Variants in CNGB1 observed in about 807,000 individuals in gnomAD.
The protein encoded by CNGB1 is cyclic nucleotide gated channel subunit beta 1.
Under a neutral mutation model 151.7 loss-of-function variants are expected in CNGB1, and 126 were observed. The observed-to-expected ratio is 0.83, with a 90% CI of 0.72 to 0.96. The LOEUF is 0.96. CNGB1 is among the 40% of genes least tolerant of loss of function. CNGB1 has a pLI of 0.00. For missense variants in CNGB1, 1,698 were observed against 1,627.0 expected (o/e 1.04, Z -0.75); for synonymous variants, 623 against 635.1 (o/e 0.98, Z 0.29).
intron 18 of CNGB1, chr16:57,923,065 C>A (rs967604352): frequency 4.4e-6 from 2 of 455,680 alleles, no homozygotes; most frequent in Non-Finnish European, 8.2e-6. Context: ...CACAGCTGGG[C>A]CCAGAGGTTG....
intron 21 of CNGB1, 47 bp downstream of exon 21, chr16:57,917,221 G>A (rs763723755): frequency 2.6e-6 from 4 of 1,527,094 alleles, no homozygotes; most frequent in African/African-American, 2.7e-5. Flanking sequence ...GGCTCTGGCT[G>A]AGCGGTCTGC....
At chr16:57,931,983 G>A (rs1272829247) in intron 16 of CNGB1, 105 bp from the exon 17 acceptor site, 9 of 1,234,250 alleles carry the variant, frequency 7.3e-6, no homozygotes, top group Non-Finnish European at 1.1e-5. Flanking sequence ...GTTTGGAGGG[G>A]ACTCTGATAG....
intron 14 of CNGB1, among the ~76,000 whole-genome samples, chr16:57,944,951 T>TAAAAAAAAAAAAAAAAAAAAAA (rs367717137): frequency 9.6e-6 from 1 of 104,380 alleles, no homozygotes; most frequent in Non-Finnish European, 1.9e-5. Context: ...ACTCTGTCTT[T>TAAAAAAAAAAAAAAAAAAAAAA]AAAAAAAAAA....
At chr16:57,957,534 A>G (rs914246940) in intron 11 of CNGB1, among the ~76,000 whole-genome samples, 157 bp from the exon 12 acceptor site, 6 of 152,188 alleles carry the variant, frequency 3.9e-5, no homozygotes, top group African/African-American at 9.6e-5. Flanking sequence ...CCCAGGGCCA[A>G]TGAAGGATTT....
At chr16:57,942,051 T>G (rs1321945108) in intron 14 of CNGB1, among the ~76,000 whole-genome samples, 1 of 152,012 alleles carries the variant, frequency 6.6e-6, no homozygotes, top group African/African-American at 2.4e-5. Flanking sequence ...TTGGTTTGGT[T>G]TGGTATTTTT....
intron 3 of CNGB1, 58 bp downstream of exon 3, chr16:57,964,429 G>A (rs1288794060): frequency 6.9e-6 from 11 of 1,596,446 alleles, no homozygotes; most frequent in East Asian, 2.2e-5. Context: ...CTGCGGCTCC[G>A]AGGGGAGAAT....
At chr16:57,944,869 G>T (rs527584603) in intron 14 of CNGB1, among the ~76,000 whole-genome samples, 2 of 145,494 alleles carry the variant, frequency 1.4e-5, no homozygotes, top group East Asian at 4.1e-4. Flanking sequence ...CAGGAGAATC[G>T]CTTGAACCCA....
chr16:57,936,471 A>C (rs1331294543), intron 16 of CNGB1, among the ~76,000 whole-genome samples: 1 of 152,222 alleles, frequency 6.6e-6, no homozygotes, highest in Non-Finnish European at 1.5e-5. Context: ...AATGTGCCTA[A>C]AGAAAGGAAT....
chr16:57,885,486 C>CTTCT (rs1157415280), intron 32 of CNGB1, among the ~76,000 whole-genome samples: 2 of 145,512 alleles, frequency 1.4e-5, no homozygotes, highest in African/African-American at 2.5e-5. Context: ...TTCTTTTTGT[C>CTTCT]TTCTTTCTTT....
At position 57,918,101 on chromosome 16, in the gene CNGB1, T is replaced by C. The variant is rs556524143; in HGVS notation, c.1958-625A>G. Among the ~76,000 whole-genome samples, 132 of 144,040 alleles carry C rather than the reference T, an allele frequency of 9.2e-4. 1 individual carries two copies. Among genetic ancestry groups the C allele is most frequent in the Admixed American group, 2.5e-3 (35 of 14,112 alleles). 94.5% of individuals were successfully genotyped at this position (144,040 alleles called of 152,430 possible). ...TGGATGGATAGATGGGTATTCCAGA[T>C]CATCTGGTTATTTATTTATTTATTT... On this transcript the variant is annotated intron_variant, in intron 20 of 32. Coordinates refer to ENST00000251102, the MANE Select transcript of CNGB1 (RefSeq NM_001297.5).
chr16:57,952,493 CTTTTTTTTTT>C (rs10598722), intron 12 of CNGB1, among the ~76,000 whole-genome samples: 12 of 62,100 alleles, frequency 1.9e-4, no homozygotes, highest in Non-Finnish European at 3.1e-4. Context: ...CAAGCATTTC[CTTTTTTTTTT>C]TTTTTTTTTT....
At chr16:57,921,628 C>A (rs1170341069) in intron 18 of CNGB1, among the ~76,000 whole-genome samples, 1 of 152,156 alleles carries the variant, frequency 6.6e-6, no homozygotes, top group Non-Finnish European at 1.5e-5. Context: ...GATATAGCCA[C>A]CCAGCCAGGG....
At chr16:57,902,770 C>T (rs1403181089) in intron 27 of CNGB1, among the ~76,000 whole-genome samples, 1 of 151,210 alleles carries the variant, frequency 6.6e-6, no homozygotes, top group Non-Finnish European at 1.5e-5. Context: ...CACCAACATG[C>T]CCAGCTAAAT....
intron 27 of CNGB1, 67 bp downstream of exon 27, chr16:57,903,755 T>C (rs80124781): frequency 2.5e-6 from 4 of 1,582,348 alleles, no homozygotes; most frequent in Non-Finnish European, 3.5e-6. Flanking sequence ...CCCGAAGGCA[T>C]GGCACCGGGC....
chr16:57,935,002 C>A (rs1374582894), intron 16 of CNGB1, among the ~76,000 whole-genome samples: 1 of 149,120 alleles, frequency 6.7e-6, no homozygotes, highest in African/African-American at 2.5e-5. Flanking sequence ...GCCAAGATCG[C>A]GCCACTGCAC....
intron 13 of CNGB1, 77 bp from the exon 14 acceptor site, chr16:57,949,516 G>C (rs1961897383): frequency 1.2e-6 from 2 of 1,604,000 alleles, no homozygotes; most frequent in Non-Finnish European, 1.7e-6. Context: ...TCTATTTTCT[G>C]TAGGATGTCC....
At chr16:57,956,009 A>G (rs574356281) in intron 12 of CNGB1, among the ~76,000 whole-genome samples, 223 of 152,244 alleles carry the variant, frequency 1.5e-3, no homozygotes, top group Middle Eastern at 6.8e-3. Context: ...TGTCCCCATG[A>G]GCCTGCCCCC....
intron 31 of CNGB1, among the ~76,000 whole-genome samples, chr16:57,895,897 G>A (rs1215046276): frequency 6.6e-6 from 1 of 152,126 alleles, no homozygotes; most frequent in Non-Finnish European, 1.5e-5. Context: ...GGACTAATTT[G>A]AGCATCAAAA....
chr16:57,897,991 G>A, intron 29 of CNGB1, 77 bp from the exon 30 acceptor site: 1 of 1,498,122 alleles, frequency 6.7e-7, no homozygotes. Flanking sequence ...GGATCCAGAG[G>A]CTGGAGGTCC....
Sources: allele counts gnomAD v4.1 joint callset (sites outside exome capture counted in the v4.1 genomes callset), GRCh38; gene constraint gnomAD v4.1.1; transcripts MANE v1.5; gene names NCBI Gene and HGNC (gene_info 2026-07-23, HGNC 2026-07-21).